Variants in MAGI1 observed in about 807,000 individuals in gnomAD.
The protein encoded by MAGI1 is membrane-associated guanylate kinase, WW and PDZ domain-containing protein 1.
MAGI1 carries 58 observed loss-of-function variants against 139.9 expected under a neutral mutation model. The ratio of observed to expected loss-of-function variants is 0.41; its 90% confidence interval spans 0.34 to 0.52. The LOEUF (loss-of-function observed/expected upper bound fraction) is 0.52. MAGI1 is among the 20% of genes least tolerant of loss of function. The pLI is 0.12. For synonymous variants in MAGI1, 812 were observed against 737.9 expected (o/e 1.10, Z -1.63); for missense variants, 1,874 against 1,901.6 (o/e 0.99, Z 0.27).
At chr3:65,467,767 T>A (rs1389347073) in intron 5 of MAGI1, among the ~76,000 whole-genome samples, 1 of 152,234 alleles carries the variant, frequency 6.6e-6, no homozygotes, top group African/African-American at 2.4e-5. Context: ...TTTCACAGAT[T>A]ATTCTGTACC....
chr3:65,920,279 A>G (rs1422102119), intron 1 of MAGI1, among the ~76,000 whole-genome samples: 1 of 152,150 alleles, frequency 6.6e-6, no homozygotes, highest in African/African-American at 2.4e-5. Context: ...TGTGCCCTCA[A>G]TTTCTCAAAG....
chr3:65,599,014 T>C (rs2082359260), intron 2 of MAGI1, among the ~76,000 whole-genome samples: 1 of 152,206 alleles, frequency 6.6e-6, no homozygotes, highest in Admixed American at 6.5e-5. Flanking sequence ...TTCCTTCTCA[T>C]AATCCAGGTG....
chr3:65,413,954 C>T (rs1161761878), intron 12 of MAGI1, among the ~76,000 whole-genome samples: 1 of 152,094 alleles, frequency 6.6e-6, no homozygotes, highest in African/African-American at 2.4e-5. Flanking sequence ...AGAGTAAGTA[C>T]AATGGAAACG....
intron 1 of MAGI1, among the ~76,000 whole-genome samples, chr3:65,767,518 C>T (rs1404354660): frequency 6.6e-6 from 1 of 152,136 alleles, no homozygotes; most frequent in East Asian, 1.9e-4. Flanking sequence ...AAATTCCTGT[C>T]ATCCTAAATT....
At chr3:65,809,321 T>G (rs1448084388) in intron 1 of MAGI1, among the ~76,000 whole-genome samples, 1 of 152,138 alleles carries the variant, frequency 6.6e-6, no homozygotes, top group Non-Finnish European at 1.5e-5. Context: ...ATGGTAACAG[T>G]TGTCACCATT....
chr3:65,474,042 G>A (rs1406719336), intron 4 of MAGI1, among the ~76,000 whole-genome samples: 2 of 152,134 alleles, frequency 1.3e-5, no homozygotes, highest in Non-Finnish European at 2.9e-5. Flanking sequence ...GAGGAAGGAG[G>A]AGTGCTTGAG....
At chr3:66,008,079 T>C (rs1423394078) in intron 1 of MAGI1, among the ~76,000 whole-genome samples, 1 of 152,028 alleles carries the variant, frequency 6.6e-6, no homozygotes, top group Non-Finnish European at 1.5e-5. Context: ...GTATTTTTAG[T>C]ACAGATGGGG....
intron 7 of MAGI1, 49 bp from the exon 8 acceptor site, chr3:65,442,898 G>C (rs1575763413): frequency 6.9e-7 from 1 of 1,451,060 alleles, no homozygotes; most frequent in Non-Finnish European, 9.7e-7. Flanking sequence ...TTCTTGAAGA[G>C]CCTGGGTGTT....
chr3:65,918,521 C>T (rs2062017274), intron 1 of MAGI1, among the ~76,000 whole-genome samples: 1 of 151,712 alleles, frequency 6.6e-6, no homozygotes, highest in Non-Finnish European at 1.5e-5. Flanking sequence ...GCTGGGATTA[C>T]AGGTGTGCAC....
intron 1 of MAGI1, among the ~76,000 whole-genome samples, chr3:65,851,463 A>C (rs534998203): frequency 6.6e-6 from 1 of 152,022 alleles, no homozygotes; most frequent in Admixed American, 6.6e-5. Context: ...AAAATCTGTT[A>C]GGTTGCCAGG....
chr3:65,769,977 C>G (rs1271424706), intron 1 of MAGI1, among the ~76,000 whole-genome samples: 1 of 152,150 alleles, frequency 6.6e-6, no homozygotes, highest in Non-Finnish European at 1.5e-5. Context: ...CAAAGATGTT[C>G]ACTTTCAAAA....
intron 1 of MAGI1, among the ~76,000 whole-genome samples, chr3:65,883,640 C>T (rs182799026): frequency 9.9e-5 from 15 of 152,282 alleles, no homozygotes; most frequent in Middle Eastern, 3.4e-3. Flanking sequence ...AGAAGTGTTG[C>T]TTTAAACACT....
At chr3:65,715,218 G>A (rs2032083511) in intron 1 of MAGI1, among the ~76,000 whole-genome samples, 1 of 152,168 alleles carries the variant, frequency 6.6e-6, no homozygotes, top group South Asian at 2.1e-4. Context: ...CTCATCAGAT[G>A]CTAAATTGGT....
chr3:65,628,622 G>A (rs80306715), intron 1 of MAGI1, among the ~76,000 whole-genome samples: 1 of 152,212 alleles, frequency 6.6e-6, no homozygotes, highest in East Asian at 1.9e-4. Context: ...ATTTGGGCAT[G>A]CAGTCTAGAC....
chr3:65,374,645 A>G (rs1329681284), intron 18 of MAGI1, among the ~76,000 whole-genome samples: 2 of 152,128 alleles, frequency 1.3e-5, no homozygotes, highest in African/African-American at 2.4e-5. Context: ...AAACATGAAT[A>G]ATACAATGAG....
At chr3:65,454,740 T>C (rs5002412) in intron 5 of MAGI1, among the ~76,000 whole-genome samples, 48,496 of 149,730 alleles carry the variant, frequency 0.32, 10,032 homozygotes, top group African/African-American at 0.58. Flanking sequence ...AAAAAACATA[T>C]GGCTTAAGAG....
intron 3 of MAGI1, among the ~76,000 whole-genome samples, chr3:65,492,095 TAA>T (rs1156608690): frequency 6.6e-6 from 1 of 152,216 alleles, no homozygotes; most frequent in Non-Finnish European, 1.5e-5. Context: ...CCTTTATGTT[TAA>T]GTCTAATCTT....
intron 1 of MAGI1, among the ~76,000 whole-genome samples, chr3:65,773,765 T>A (rs1459247035): frequency 6.6e-6 from 1 of 152,250 alleles, no homozygotes; most frequent in African/African-American, 2.4e-5. Context: ...TTGCTTTCTT[T>A]GTGTCTCAGA....
chr3:65,953,509 C>A lies in MAGI1; in HGVS notation c.313+84487G>T, dbSNP rs550039987. ...GAGAAGGACACGGAAACCTGGGTCC[C>A]TCCGAGCCCAGTTTCTGTTGACACT... On this transcript the variant is annotated intron_variant, in intron 1 of 22. Coordinates refer to ENST00000402939, the MANE Select transcript of MAGI1 (RefSeq NM_001033057.2). Among the ~76,000 whole-genome samples, 28 of 152,338 alleles carry A rather than the reference C, an allele frequency of 1.8e-4. 1 individual carries two copies. The South Asian group carries it at 2.9e-3, about 16-fold the overall frequency.
Sources: gnomAD v4.1 joint callset for allele counts (sites outside exome capture counted in the v4.1 genomes callset) on GRCh38, gnomAD v4.1.1 for gene constraint, MANE v1.5 for transcripts, NCBI Gene and HGNC (gene_info 2026-07-23, HGNC 2026-07-21) for gene names.